The following TNFRSF9 variants were observed in gnomAD, a reference collection of about 807,000 sequenced individuals.
TNFRSF9 encodes tumor necrosis factor receptor superfamily member 9.
A neutral mutation model predicts 28.8 loss-of-function variants in TNFRSF9; 16 were observed. The ratio of observed to expected loss-of-function variants is 0.55; its 90% CI spans 0.38 to 0.84. The LOEUF (loss-of-function observed/expected upper bound fraction) is 0.84. Among genes scored for constraint, TNFRSF9 ranks in the 40% least tolerant of loss-of-function variants. The pLI, the probability that TNFRSF9 is intolerant of heterozygous loss-of-function variation, is 0.00. For missense variants in TNFRSF9, 303 were observed against 315.0 expected, an observed-to-expected ratio of 0.96 and a Z score of 0.29; for synonymous variants, 131 against 117.0, an observed-to-expected ratio of 1.12 and a Z score of -0.77.
At chr1:7,933,066 A>G in intron 7 of TNFRSF9, 96 bp downstream of exon 7, 3 of 1,432,150 alleles carry the variant, frequency 2.1e-6, no homozygotes, top group Non-Finnish European at 2.8e-6. Flanking sequence ...GGCTATATGA[A>G]CCTCATTTCT....
At chr1:7,939,671 A>G (rs1639873631) in intron 2 of TNFRSF9, among the ~76,000 whole-genome samples, 1 of 152,196 alleles carries the variant, frequency 6.6e-6, no homozygotes, top group Non-Finnish European at 1.5e-5. Flanking sequence ...CATCCTATAA[A>G]ACAGGTTCTC....
In TNFRSF9 at chr1:7,916,315, A is replaced by G. The variant is rs558999655; in HGVS notation, c.*4520T>C. ...GAAGGGGATCATTTTATTCTGTCTC[A>G]ATGTTCCTTCCTTATTAATTGTCAT... On this transcript the variant is annotated 3_prime_UTR_variant, in exon 8 of 8. Coordinates refer to ENST00000377507, the MANE Select transcript of TNFRSF9 (RefSeq NM_001561.6). 21 of 152,316 alleles carry G rather than the reference A, an allele frequency of 1.4e-4. No homozygotes were observed. In the East Asian group the frequency reaches 3.7e-3, roughly 27 times the overall value. The allele number at this position is 152,316 out of a possible 1,614,324, so 9.4% of individuals were successfully genotyped here. A position where few individuals can be genotyped will look rare whatever the true frequency, so the allele number is the denominator to read the frequency against.
In TNFRSF9 at chr1:7,935,112, T is replaced by C. The variant is rs1366539085; in HGVS notation, c.445A>G (p.Asn149Asp). 2 of 1,614,220 alleles carry C rather than the reference T, an allele frequency of 1.2e-6. No individual in the cohort carries two copies. The highest frequency in any genetic ancestry group is 2.2e-5 in the East Asian group (1 of 44,886). The stretch of plus-strand genomic sequence containing the variant: ...ACCACGTCCCTCTCCTTCGTCCCAT[T>C]CACAAGCACAGACTTTCCATCCAAA... Reference protein sequence around the residue: ...CSLDGKSVLVNGTKERDVVCG... With the variant: ...CSLDGKSVLVDGTKERDVVCG... Residue 149 changes from asparagine to aspartate, a missense_variant, in exon 6 of 8, where the codon AAT becomes GAT. Transcript: ENST00000377507.
rs905610299 is a variant in TNFRSF9 at position 7,919,888 on chromosome 1, G to C, written c.*947C>G. 3.3e-5 allele frequency: 5 copies of C among 152,226 alleles called. No individual in the cohort carries two copies. Among genetic ancestry groups the C allele is most frequent in the African/African-American group, 1.2e-4 (5 of 41,444 alleles). 9.4% of individuals were successfully genotyped at this position (152,226 alleles called of 1,614,324 possible). A position where few individuals can be genotyped will look rare whatever the true frequency, so the allele number is the denominator to read the frequency against. ...TATTGGCTTTGGTATAAAATATTATGTTAAAAGTTAAGAATTTTTAGAATG... is the reference window on the plus strand; with the variant it reads ...TATTGGCTTTGGTATAAAATATTATCTTAAAAGTTAAGAATTTTTAGAATG... On this transcript the variant is annotated 3_prime_UTR_variant, in exon 8 of 8. Coordinates refer to ENST00000377507, the MANE Select transcript of TNFRSF9 (RefSeq NM_001561.6).
In TNFRSF9 at chr1:7,925,034, C is replaced by G. The variant is rs1360991878; in HGVS notation, c.680-4111G>C. Among the ~76,000 whole-genome samples, 6 of 151,994 alleles carry G rather than the reference C, an allele frequency of 3.9e-5. No individual in the cohort carries two copies. The East Asian group carries it at 1.2e-3, about 29-fold the overall frequency. On this transcript the variant is annotated intron_variant, in intron 7 of 7. Coordinates refer to ENST00000377507, the MANE Select transcript of TNFRSF9 (RefSeq NM_001561.6). ...AAAAAATTTTTTTTAAGTTTATAGG[C>G]TGGGTGCGGTGGCTCATGCCTGTAA...
chr1:7,926,358 T>C (rs2151413752), intron 7 of TNFRSF9, among the ~76,000 whole-genome samples: 2 of 152,282 alleles, frequency 1.3e-5, no homozygotes, highest in East Asian at 3.9e-4. Flanking sequence ...CCTAGGTGTA[T>C]AGTAGGCTGT....
Position 7,917,955 on chromosome 1 carries a change from G to GAGATATAT in TNFRSF9, c.*2879_*2880insATATATCT, listed in dbSNP as rs1553339303. 2.9e-5 allele frequency: 4 copies of GAGATATAT among 136,422 alleles called. No homozygotes were observed. Among genetic ancestry groups the GAGATATAT allele is most frequent in the African/African-American group, 1.2e-4 (4 of 34,608 alleles). 8.5% of individuals were successfully genotyped at this position (136,422 alleles called of 1,614,324 possible). A position where few individuals can be genotyped will look rare whatever the true frequency, so the allele number is the denominator to read the frequency against. Reference sequence around the variant, plus strand: ...AAAAAGGGAAAAATAAATTACAAAGGATATATATATATATATATATAGATA... The same window carrying GAGATATAT: ...AAAAAGGGAAAAATAAATTACAAAGGAGATATATATATATATATATATATATATAGATA... On this transcript the variant is annotated 3_prime_UTR_variant, in exon 8 of 8. Transcript: ENST00000377507.
intron 7 of TNFRSF9, among the ~76,000 whole-genome samples, chr1:7,930,383 TC>T (rs1291206716): frequency 6.6e-6 from 1 of 152,140 alleles, no homozygotes; most frequent in African/African-American, 2.4e-5. Flanking sequence ...GGATTACAGT[TC>T]CATTGAAACT....
intron 7 of TNFRSF9, among the ~76,000 whole-genome samples, chr1:7,932,498 G>T (rs1578074810): frequency 6.6e-6 from 1 of 152,224 alleles, no homozygotes; most frequent in East Asian, 1.9e-4. Context: ...ATCCATACTG[G>T]TGCTGTAATA....
At position 7,918,539 on chromosome 1, in the gene TNFRSF9, G is replaced by T. The variant is rs1300437789; in HGVS notation, c.*2296C>A. Reference sequence around the variant, plus strand: ...ACACCACCACACCCGGCTAATTTTTGTATTTTTTGTAAAGACAGGGTTTCG... The same window carrying T: ...ACACCACCACACCCGGCTAATTTTTTTATTTTTTGTAAAGACAGGGTTTCG... On this transcript the variant is annotated 3_prime_UTR_variant, in exon 8 of 8. Coordinates refer to ENST00000377507, the MANE Select transcript of TNFRSF9 (RefSeq NM_001561.6). 2 of 152,032 alleles carry T rather than the reference G, an allele frequency of 1.3e-5. No individual in the cohort carries two copies. Among genetic ancestry groups the T allele is most frequent in the Non-Finnish European group, 2.9e-5 (2 of 68,032 alleles). 9.4% of individuals were successfully genotyped at this position (152,032 alleles called of 1,614,324 possible).
intron 7 of TNFRSF9, among the ~76,000 whole-genome samples, chr1:7,930,895 T>G (rs1052766272): frequency 2.0e-5 from 3 of 152,150 alleles, no homozygotes; most frequent in African/African-American, 7.2e-5. Flanking sequence ...TTGCAGCTCA[T>G]GAACAGCAGA....
chr1:7,934,114 G>A (rs888663005), intron 6 of TNFRSF9, among the ~76,000 whole-genome samples: 5 of 152,160 alleles, frequency 3.3e-5, no homozygotes, highest in Non-Finnish European at 5.9e-5. Context: ...GGCGGCTTAT[G>A]CCTGTAATCC....
chr1:7,926,077 T>G (rs2151413654), intron 7 of TNFRSF9, among the ~76,000 whole-genome samples: 1 of 152,302 alleles, frequency 6.6e-6, no homozygotes, highest in Middle Eastern at 3.4e-3. Flanking sequence ...ATTTTTGTAT[T>G]TTTAGTAGAA....
intron 6 of TNFRSF9, among the ~76,000 whole-genome samples, chr1:7,934,469 G>A (rs1263585636): frequency 6.6e-6 from 1 of 152,114 alleles, no homozygotes; most frequent in East Asian, 1.9e-4. Flanking sequence ...CCAGCACTTT[G>A]GGAGGCCGAG....
chr1:7,934,083 T>A (rs754862239), intron 6 of TNFRSF9, among the ~76,000 whole-genome samples: 8 of 151,976 alleles, frequency 5.3e-5, no homozygotes, highest in Non-Finnish European at 1.0e-4. Flanking sequence ...ATAGAAAATA[T>A]GGGACCTGGG....
At chr1:7,930,812 G>A (rs760106200) in intron 7 of TNFRSF9, among the ~76,000 whole-genome samples, 1 of 152,084 alleles carries the variant, frequency 6.6e-6, no homozygotes, top group African/African-American at 2.4e-5. Flanking sequence ...AAGTGAGAAC[G>A]CAGAGGTTTA....
chr1:7,920,667 G>T lies in TNFRSF9; in HGVS notation c.*168C>A. On this transcript the variant is annotated 3_prime_UTR_variant, in exon 8 of 8. Coordinates refer to ENST00000377507, the MANE Select transcript of TNFRSF9 (RefSeq NM_001561.6). ...CCCTGTCAAAAAAAAAAAAAAAGTG[G>T]TGCATTTTTAAAGGCCAACTCATTG... 1.7e-6 allele frequency: 1 copy of T among 572,026 alleles called. No individual in the cohort carries two copies. Among genetic ancestry groups the T allele is most frequent in the Non-Finnish European group, 3.1e-6 (1 of 321,096 alleles). 35.4% of individuals were successfully genotyped at this position (572,026 alleles called of 1,614,324 possible). A position where few individuals can be genotyped will look rare whatever the true frequency, so the allele number is the denominator to read the frequency against.
intron 7 of TNFRSF9, among the ~76,000 whole-genome samples, chr1:7,930,583 C>A (rs1639720104): frequency 6.6e-6 from 1 of 152,002 alleles, no homozygotes; most frequent in Non-Finnish European, 1.5e-5. Flanking sequence ...CACCGTGAAT[C>A]CCAGTCTCTA....
intron 7 of TNFRSF9, among the ~76,000 whole-genome samples, chr1:7,932,027 C>A (rs182466080): frequency 6.6e-6 from 1 of 152,106 alleles, no homozygotes; most frequent in Non-Finnish European, 1.5e-5. Flanking sequence ...CCTGTAATGC[C>A]TCGGGAGCCT....
Sources: allele counts gnomAD v4.1 joint callset (sites outside exome capture counted in the v4.1 genomes callset), GRCh38; gene constraint gnomAD v4.1.1; transcripts MANE v1.5; gene names NCBI Gene and HGNC (gene_info 2026-07-23, HGNC 2026-07-21).